The following TIAL1 variants were observed in gnomAD, a reference collection of about 807,000 sequenced individuals.
TIAL1 encodes the protein TIA1 cytotoxic granule associated RNA binding protein like 1, also known as nucleolysin TIAR.
TIAL1 carries 7 observed loss-of-function variants against 59.7 expected under a neutral mutation model. That is an observed-to-expected ratio of 0.12 (90% CI 0.07 to 0.22). The LOEUF (loss-of-function observed/expected upper bound fraction) is 0.22. Ranked by LOEUF, TIAL1 falls within the 10% of genes least tolerant of loss-of-function variation. TIAL1 has a pLI of 1.00. For missense variants in TIAL1, 225 were observed against 462.5 expected, an observed-to-expected ratio of 0.49 and a Z score of 4.71; for synonymous variants, 149 against 146.3, an observed-to-expected ratio of 1.02 and a Z score of -0.13.
intron 1 of TIAL1, among the ~76,000 whole-genome samples, chr10:119,588,899 C>T (rs1845710477): frequency 1.3e-5 from 2 of 152,098 alleles, no homozygotes; most frequent in African/African-American, 4.8e-5. Flanking sequence ...CTCAAGATAA[C>T]TACAATTTCT....
At chr10:119,595,694 T>G (rs1028805672) in intron 1 of TIAL1, among the ~76,000 whole-genome samples, 2 of 151,984 alleles carry the variant, frequency 1.3e-5, no homozygotes, top group Admixed American at 1.3e-4. Context: ...ACAAACAGAT[T>G]AGGAAGAGGC....
chr10:119,575,517 TCAC>T lies in TIAL1; in HGVS notation c.*145_*147del, dbSNP rs1272750693. 1.1e-5 allele frequency: 11 copies of T among 1,027,198 alleles called. No homozygotes were observed. The highest frequency in any genetic ancestry group is 1.7e-5 in the South Asian group (1 of 59,756). The allele number at this position is 1,027,198 out of a possible 1,614,324, so 63.6% of individuals were successfully genotyped here. A position where few individuals can be genotyped will look rare whatever the true frequency, so the allele number is the denominator to read the frequency against. On this transcript the variant is annotated 3_prime_UTR_variant, in exon 12 of 12. Transcript: ENST00000436547. Reference sequence around the variant, plus strand: ...GGCAGAACTAGAAGACACGTGTCCTTCACCAAAGCAAATCTGTGCTAAAGGTTC... The same window carrying T: ...GGCAGAACTAGAAGACACGTGTCCTTCAAAGCAAATCTGTGCTAAAGGTTC...
In TIAL1 at chr10:119,577,100, T is replaced by G; in HGVS notation, c.841A>C (p.Met281Leu). 6.2e-7 allele frequency: 1 copy of G among 1,613,894 alleles called. No homozygotes were observed. The highest frequency in any genetic ancestry group is 1.3e-5 in the African/African-American group (1 of 75,058). ...KCYWGKESPD[M>L]TKNFQQVDYS... The stretch of plus-strand genomic sequence containing the variant: ...ATTACCTGTTGGAAGTTTTTAGTCA[T>G]ATCAGGAGATTCTTTACCCCAATAG... The change falls in exon 10 of 12, where the codon ATG becomes CTG. Residue 281 changes from methionine (M) to leucine (L), a missense_variant. Coordinates refer to ENST00000436547, the MANE Select transcript of TIAL1 (RefSeq NM_003252.4).
At chr10:119,585,484 A>T (rs892932078) in intron 2 of TIAL1, among the ~76,000 whole-genome samples, 2 of 151,510 alleles carry the variant, frequency 1.3e-5, no homozygotes, top group Admixed American at 1.3e-4. Flanking sequence ...TTATGTCCCT[A>T]CCTTATTTAG....
At chr10:119,578,672 A>G (rs927709913) in intron 7 of TIAL1, 54 bp downstream of exon 7, 32 of 1,404,116 alleles carry the variant, frequency 2.3e-5, no homozygotes, top group Non-Finnish European at 3.0e-5. Context: ...TGAATACATG[A>G]TACATGATTT....
At position 119,578,862 on chromosome 10, in the gene TIAL1, C is replaced by G. The variant is rs774636362; in HGVS notation, c.448-28G>C. On this transcript the variant is annotated intron_variant, in intron 6 of 11. Coordinates refer to ENST00000436547, the MANE Select transcript of TIAL1 (RefSeq NM_003252.4). ...ATGGATAAAAAAGAAAGCACAATCA[C>G]AAAGAAAAGAGTGATAAATAAGACT... The G allele has an allele frequency of 5.1e-6, 8 of 1,559,978 alleles. No individual in the cohort carries two copies. The Admixed American group carries it at 1.0e-4, about 20-fold the overall frequency.
intron 2 of TIAL1, among the ~76,000 whole-genome samples, chr10:119,586,174 A>G (rs1845564160): frequency 1.3e-5 from 2 of 152,162 alleles, no homozygotes; most frequent in Admixed American, 1.3e-4. Flanking sequence ...TTCATGTCTT[A>G]AATCTAACAT....
intron 5 of TIAL1, chr10:119,580,298 T>C: frequency 2.9e-6 from 1 of 342,264 alleles, no homozygotes; most frequent in Non-Finnish European, 5.1e-6. Flanking sequence ...CTTTCTAATA[T>C]TCTATTTACT....
intron 1 of TIAL1, 72 bp from the exon 2 acceptor site, chr10:119,588,320 C>T: frequency 4.8e-6 from 4 of 838,984 alleles, no homozygotes; most frequent in South Asian, 2.1e-5. Context: ...TCATCTAATT[C>T]ATCACCTTTT....
chr10:119,574,546 AG>A lies in TIAL1; in HGVS notation c.*1118del, dbSNP rs770451305. ...ATAGTAACCTTGAAATTGGTTTACA[AG>A]GTTTTAATCAAGGTATTTACATACC... On this transcript the variant is annotated 3_prime_UTR_variant, in exon 12 of 12. Transcript: ENST00000436547. 2.3e-5 allele frequency: 3 copies of A among 131,184 alleles called. No homozygotes were observed. The highest frequency in any genetic ancestry group is 4.8e-5 in the Non-Finnish European group (3 of 62,882). The allele number at this position is 131,184 out of a possible 1,614,324, so 8.1% of individuals were successfully genotyped here.
At chr10:119,580,589 A>C in intron 5 of TIAL1, 1 of 1,000,922 alleles carries the variant, frequency 1.0e-6, no homozygotes, top group Non-Finnish European at 1.2e-6. Context: ...AAGGAGAATA[A>C]AAAACTAACA....
Position 119,574,121 on chromosome 10 carries a change from C to G in TIAL1, c.*1544G>C, listed in dbSNP as rs1213428265. The G allele has an allele frequency of 6.6e-6, 1 of 152,582 alleles. No homozygotes were observed. The highest frequency in any genetic ancestry group is 6.6e-5 in the Admixed American group (1 of 15,266). The allele number at this position is 152,582 out of a possible 1,614,324, so 9.5% of individuals were successfully genotyped here. On this transcript the variant is annotated 3_prime_UTR_variant, in exon 12 of 12. Transcript: ENST00000436547. ...GCCAAAACATTTGCACTCCCTAGCT[C>G]TGACAATTCAAATACATAGGATTTT...
rs371349827 is a variant in TIAL1 at position 119,596,648 on chromosome 10, C to CAGG, written c.-186_-184dup. 3.8e-5 allele frequency: 23 copies of CAGG among 600,034 alleles called. No individual in the cohort carries two copies. Among genetic ancestry groups the CAGG allele is most frequent in the Admixed American group, 8.9e-5 (3 of 33,574 alleles). The allele number at this position is 600,034 out of a possible 1,614,324, so 37.2% of individuals were successfully genotyped here. On this transcript the variant is annotated 5_prime_UTR_variant, in exon 1 of 12. Transcript: ENST00000436547. ...GACACTGCGCTCCAACCAGGAGGAGCAGGAGGAGGAGGAGGATGAACAAAA... is the reference window on the plus strand; with the variant it reads ...GACACTGCGCTCCAACCAGGAGGAGCAGGAGGAGGAGGAGGAGGATGAACAAAA...
rs1417437296 is a variant in TIAL1, at chr10:119,575,119, A to G, written c.*546T>C. On this transcript the variant is annotated 3_prime_UTR_variant, in exon 12 of 12. Transcript: ENST00000436547. ...CAGTCTGGCTTCAGTTTCTTTAGGC[A>G]TAGAGAAAGAAAATATTTCCTCCAA... The G allele has an allele frequency of 6.5e-6, 1 of 152,906 alleles. No individual in the cohort carries two copies. The highest frequency in any genetic ancestry group is 1.5e-5 in the Non-Finnish European group (1 of 68,248). The allele number at this position is 152,906 out of a possible 1,614,324, so 9.5% of individuals were successfully genotyped here.
Position 119,575,608 on chromosome 10 carries a change from A to C in TIAL1, c.*57T>G. On this transcript the variant is annotated 3_prime_UTR_variant, in exon 12 of 12. Coordinates refer to ENST00000436547, the MANE Select transcript of TIAL1 (RefSeq NM_003252.4). ...CCGATGTCTACTTTCATGTCTTCAG[A>C]GTGTCACAGGAAATCGAAGCCTATC... is the stretch of plus-strand genomic sequence containing the variant. 1 of 1,595,154 alleles carries C rather than the reference A, an allele frequency of 6.3e-7. No individual in the cohort carries two copies.
In TIAL1 at chr10:119,575,606, A is replaced by G; in HGVS notation, c.*59T>C. The stretch of plus-strand genomic sequence containing the variant: ...TTCCGATGTCTACTTTCATGTCTTC[A>G]GAGTGTCACAGGAAATCGAAGCCTA... On this transcript the variant is annotated 3_prime_UTR_variant, in exon 12 of 12. Transcript: ENST00000436547. 1 of 1,593,140 alleles carries G rather than the reference A, an allele frequency of 6.3e-7. No individual in the cohort carries two copies. Among genetic ancestry groups the G allele is most frequent in the Non-Finnish European group, 8.6e-7 (1 of 1,162,452 alleles).
chr10:119,582,350 C>A lies in TIAL1; in HGVS notation c.228+109G>T. 6.8e-7 allele frequency: 1 copy of A among 1,474,126 alleles called. No homozygotes were observed. Among genetic ancestry groups the A allele is most frequent in the South Asian group, 1.4e-5 (1 of 71,924 alleles). 91.3% of individuals were successfully genotyped at this position (1,474,126 alleles called of 1,614,324 possible). ...AGCACTAAGCTGAATAAAGCAAAACCATCACTCAGCAGCCGAATATCTGCT... is the reference window on the plus strand; with the variant it reads ...AGCACTAAGCTGAATAAAGCAAAACAATCACTCAGCAGCCGAATATCTGCT... On this transcript the variant is annotated intron_variant, in intron 3 of 11. Coordinates refer to ENST00000436547, the MANE Select transcript of TIAL1 (RefSeq NM_003252.4). This position sits in a 1 kb window ranked among gnomAD's most constrained non-coding sequence, Gnocchi z 5.1.
rs1554867662 is a variant in TIAL1 at position 119,590,800 on chromosome 10, G to GAAAGAAAGAAAGAAAA, written c.33-2553_33-2552insTTTTCTTTCTTTCTTT. 4.1e-3 allele frequency among the ~76,000 whole-genome samples: 576 copies of GAAAGAAAGAAAGAAAA among 141,368 alleles called. 9 individuals are homozygous for GAAAGAAAGAAAGAAAA. Among genetic ancestry groups the GAAAGAAAGAAAGAAAA allele is most frequent in the Admixed American group, 8.6e-3 (125 of 14,466 alleles). The allele number at this position is 141,368 out of a possible 152,430, so 92.7% of individuals were successfully genotyped here. ...AGAAAGAAAGAAAGAAAGAAAGAAA[G>GAAAGAAAGAAAGAAAA]AAAGAAAGAAAGAAAGAAAGAAACG... On this transcript the variant is annotated intron_variant, in intron 1 of 11. Transcript: ENST00000436547.
intron 6 of TIAL1, among the ~76,000 whole-genome samples, chr10:119,579,489 A>C (rs1295323537): frequency 6.6e-6 from 1 of 152,228 alleles, no homozygotes; most frequent in Non-Finnish European, 1.5e-5. Context: ...ATCAAGATGA[A>C]TTGCTTAAAT....
Sources: gnomAD v4.1 joint callset for allele counts (sites outside exome capture counted in the v4.1 genomes callset) on GRCh38, gnomAD v4.1.1 for gene constraint, Gnocchi (gnomAD v3.1) non-coding constraint, MANE v1.5 for transcripts, NCBI Gene and HGNC (gene_info 2026-07-23, HGNC 2026-07-21) for gene names.